The following AHCY variants were observed in gnomAD, a reference collection of about 807,000 sequenced individuals.
AHCY encodes adenosylhomocysteinase.
Under a neutral mutation model 45.4 loss-of-function variants are expected in AHCY, and 24 were observed. That is an observed-to-expected ratio of 0.53 (90% CI 0.38 to 0.74). The LOEUF is 0.74. AHCY is among the 30% of genes least tolerant of loss of function. The pLI is 0.00. For missense variants in AHCY, 449 were observed against 594.1 expected (o/e 0.76, Z 2.54); for synonymous variants, 245 against 235.1 (o/e 1.04, Z -0.39).
At chr20:34,308,724 G>A (rs2036919312) in intron 1 of AHCY, among the ~76,000 whole-genome samples, 1 of 150,350 alleles carries the variant, frequency 6.7e-6, no homozygotes, top group Non-Finnish European at 1.5e-5. Flanking sequence ...TGCGATCTCT[G>A]TTCACTGCAA....
intron 1 of AHCY, among the ~76,000 whole-genome samples, chr20:34,296,242 G>A (rs1235411179): frequency 1.3e-5 from 2 of 152,118 alleles, no homozygotes; most frequent in Admixed American, 6.6e-5. Flanking sequence ...TTGCAAGCAA[G>A]CACTCACCTG....
At chr20:34,262,931 G>A in the AHCY span, 2 of 1,610,104 alleles carry the variant, frequency 1.2e-6, no homozygotes, top group East Asian at 2.2e-5. Context: ...TCATTGTTGG[G>A]GTGAGACTGG....
the AHCY span, among the ~76,000 whole-genome samples, chr20:34,267,487 C>CTGTGA: frequency 1.8e-5 from 2 of 111,784 alleles, no homozygotes; most frequent in Admixed American, 1.7e-4. Flanking sequence ...AAAAAAAGAA[C>CTGTGA]TGTGATGTGA....
chr20:34,267,759 G>C, the AHCY span, among the ~76,000 whole-genome samples: 1 of 151,212 alleles, frequency 6.6e-6, no homozygotes, highest in Non-Finnish European at 1.5e-5. Context: ...CCAAACTCCC[G>C]ACCTCAGGTG....
chr20:34,290,872 C>G lies in AHCY; in HGVS notation c.625G>C (p.Val209Leu), dbSNP rs756199782. 6.2e-7 allele frequency: 1 copy of G among 1,614,180 alleles called. No homozygotes were observed. Among genetic ancestry groups the G allele is most frequent in the Admixed American group, 1.7e-5 (1 of 60,030 alleles). The change falls in exon 6 of 10, where the codon GTG (valine) becomes CTG (leucine). Residue 209 changes from valine (V) to leucine (L), a missense_variant. Coordinates refer to ENST00000217426, the MANE Select transcript of AHCY (RefSeq NM_000687.4). The surrounding 1 kb of genome is among the most constrained non-coding windows in gnomAD (Gnocchi z 4.5). Reference sequence around the variant, plus strand: ...ACCGCTACCTTGCCGGCAATCATCACATCTGTGGCCCGCTTGATGCCATCT... The same window carrying G: ...ACCGCTACCTTGCCGGCAATCATCAGATCTGTGGCCCGCTTGATGCCATCT... ...LIDGIKRATD[V>L]MIAGKVAVVA...
the AHCY span, chr20:34,260,660 A>G: frequency 8.9e-7 from 1 of 1,126,798 alleles, no homozygotes; most frequent in Non-Finnish European, 1.2e-6. Flanking sequence ...CCAGGAAATA[A>G]TCCTGGGAGA....
chr20:34,311,151 C>T (rs899189826), intron 1 of AHCY, among the ~76,000 whole-genome samples: 4 of 152,046 alleles, frequency 2.6e-5, no homozygotes, highest in Non-Finnish European at 5.9e-5. Flanking sequence ...AACAACAAAA[C>T]CAACAACAAA....
chr20:34,281,490 G>A (rs1436204466), intron 9 of AHCY: 1 of 379,864 alleles, frequency 2.6e-6, no homozygotes, highest in African/African-American at 2.1e-5. Context: ...TATTTTCCAT[G>A]ACAGGCAGAG....
chr20:34,294,258 T>A, intron 2 of AHCY, 102 bp from the exon 3 acceptor site: 2 of 1,066,752 alleles, frequency 1.9e-6, no homozygotes, highest in South Asian at 2.7e-5. Flanking sequence ...GGGGAGAGGC[T>A]TGGGATCTAG....
the AHCY span, among the ~76,000 whole-genome samples, chr20:34,263,801 T>G: frequency 5.1e-4 from 78 of 152,044 alleles, no homozygotes; most frequent in African/African-American, 1.8e-3. Context: ...CCCGAGTAGC[T>G]GGAATTACAG....
intron 9 of AHCY, 100 bp downstream of exon 9, chr20:34,285,340 G>T: frequency 7.4e-7 from 1 of 1,348,956 alleles, no homozygotes; most frequent in Non-Finnish European, 1.1e-6. Context: ...GCCTCTAAGA[G>T]GGCAGACAGG....
chr20:34,295,258 G>A (rs1007937814), intron 2 of AHCY, 137 bp downstream of exon 2: 28 of 1,038,488 alleles, frequency 2.7e-5, no homozygotes, highest in Admixed American at 6.0e-5. Flanking sequence ...GGAGGAAACC[G>A]AGTGAGAGGG....
the AHCY span, chr20:34,241,585 G>A: frequency 1.0e-6 from 1 of 967,476 alleles, no homozygotes; most frequent in East Asian, 1.1e-4. Flanking sequence ...TCCTTTCTTG[G>A]AAAGTTAAAC....
At chr20:34,311,589 C>T (rs1004732269) in exon 1 of AHCY, 2 of 152,422 alleles carry the variant, frequency 1.3e-5, no homozygotes, top group African/African-American at 2.4e-5. Context: ...TTTAGCCTGC[C>T]CTAGCTTCAG....
the AHCY span, chr20:34,262,855 A>T: frequency 1.9e-6 from 3 of 1,614,060 alleles, no homozygotes; most frequent in Non-Finnish European, 2.5e-6. Context: ...ATCCAAACAG[A>T]TCGGCAGAAA....
chr20:34,246,833 C>G, the AHCY span, among the ~76,000 whole-genome samples: 1 of 152,104 alleles, frequency 6.6e-6, no homozygotes. Flanking sequence ...TCCCACAACT[C>G]TTCTATTTAT....
chr20:34,294,253 G>C, intron 2 of AHCY, 97 bp from the exon 3 acceptor site: 1 of 1,101,126 alleles, frequency 9.1e-7, no homozygotes, highest in South Asian at 1.3e-5. Context: ...GTAGTGGGGA[G>C]AGGCTTGGGA....
rs185042783 is a variant in AHCY at position 34,285,654 on chromosome 20, C to G, written c.973-20G>C. 1 of 1,610,872 alleles carries G rather than the reference C, an allele frequency of 6.2e-7. No homozygotes were observed. The highest frequency in any genetic ancestry group is 2.2e-5 in the East Asian group (1 of 44,866). ...GTCCACCTACACGCAGGCAGGGCAA[C>G]AGTGAAGGCAGGCAGGGCCCCGCTC... On this transcript the variant is annotated intron_variant, in intron 8 of 9. Coordinates refer to ENST00000217426, the MANE Select transcript of AHCY (RefSeq NM_000687.4).
chr20:34,267,739 C>T, the AHCY span, among the ~76,000 whole-genome samples: 1 of 151,806 alleles, frequency 6.6e-6, no homozygotes, highest in Non-Finnish European at 1.5e-5. Flanking sequence ...CCATGTCGGT[C>T]GGGCTGGTCC....
Sources: allele counts gnomAD v4.1 joint callset (sites outside exome capture counted in the v4.1 genomes callset), GRCh38; gene constraint gnomAD v4.1.1; non-coding constraint Gnocchi (gnomAD v3.1); transcripts MANE v1.5; gene names NCBI Gene and HGNC (gene_info 2026-07-23, HGNC 2026-07-21).